The following ETV6 variants were observed in gnomAD, a reference collection of about 807,000 sequenced individuals.
ETV6 encodes the protein transcription factor ETV6.
ETV6 carries 16 observed loss-of-function variants against 51.1 expected under a neutral mutation model. The ratio of observed to expected loss-of-function variants is 0.31; its 90% CI spans 0.21 to 0.48. The LOEUF (loss-of-function observed/expected upper bound fraction) is 0.48, where lower values mean the gene tolerates loss of function less well. ETV6 is among the 20% of genes least tolerant of loss of function. The pLI is 0.99. For missense variants in ETV6, 458 were observed against 594.8 expected (o/e 0.77, Z 2.39); for synonymous variants, 240 against 224.1 (o/e 1.07, Z -0.64).
chr12:11,842,094 A>AG lies in ETV6; in HGVS notation c.328+2790_328+2791insG, dbSNP rs1279652680. 3.8e-3 allele frequency among the ~76,000 whole-genome samples: 575 copies of AG among 151,744 alleles called. 4 individuals carry two copies. Among genetic ancestry groups the AG allele is most frequent in the Admixed American group, 6.5e-3 (100 of 15,268 alleles). On this transcript the variant is annotated intron_variant, in intron 3 of 7. Coordinates refer to ENST00000396373, the MANE Select transcript of ETV6 (RefSeq NM_001987.5). ...GAGACTCCGTCTCAAAAAAAAAAAAAAAAAGAAGAAGAAGGAGATGTAGGC... is the reference window on the plus strand; with the variant it reads ...GAGACTCCGTCTCAAAAAAAAAAAAAGAAAAGAAGAAGAAGGAGATGTAGGC...
chr12:11,893,033 G>A lies in ETV6; in HGVS notation c.*1987G>A, dbSNP rs1947319593. 1 of 232,924 alleles carries A rather than the reference G, an allele frequency of 4.3e-6. No homozygotes were observed. The highest frequency in any genetic ancestry group is 8.5e-6 in the Non-Finnish European group (1 of 117,844). The allele number at this position is 232,924 out of a possible 1,614,324, so 14.4% of individuals were successfully genotyped here. ...GTCAGGGACCTTCTATATGAGGCGAGTGGGTCTCAGTCTGCTTGAATGGTG... is the reference window on the plus strand; with the variant it reads ...GTCAGGGACCTTCTATATGAGGCGAATGGGTCTCAGTCTGCTTGAATGGTG... On this transcript the variant is annotated 3_prime_UTR_variant, in exon 8 of 8. Transcript: ENST00000396373.
intron 1 of ETV6, among the ~76,000 whole-genome samples, chr12:11,703,875 T>C (rs551967794): frequency 1.3e-5 from 2 of 152,306 alleles, no homozygotes; most frequent in African/African-American, 4.8e-5. Flanking sequence ...TGACCAACTT[T>C]ATAAAGAGAT....
chr12:11,650,264 T>C, intron 1 of ETV6, 104 bp downstream of exon 1: 1 of 1,004,134 alleles, frequency 1.0e-6, no homozygotes, highest in South Asian at 1.3e-5. Context: ...GTTGCTCTGT[T>C]CGCAGGAAAT....
intron 1 of ETV6, among the ~76,000 whole-genome samples, chr12:11,676,916 G>T (rs1864431433): frequency 6.6e-6 from 1 of 152,194 alleles, no homozygotes; most frequent in Non-Finnish European, 1.5e-5. Context: ...ACAGGATTTT[G>T]CAGGACTATT....
intron 1 of ETV6, among the ~76,000 whole-genome samples, chr12:11,669,077 T>A (rs1861485): frequency 0.025 from 3,883 of 152,328 alleles, 161 homozygotes; most frequent in African/African-American, 0.088. Context: ...CATATCTTTT[T>A]AAAAGTTTTC....
At chr12:11,821,473 G>C (rs1453533574) in intron 2 of ETV6, among the ~76,000 whole-genome samples, 2 of 152,172 alleles carry the variant, frequency 1.3e-5, no homozygotes, top group Non-Finnish European at 2.9e-5. Context: ...ATTGGGAACA[G>C]CAGATTTAGA....
intron 1 of ETV6, among the ~76,000 whole-genome samples, chr12:11,666,505 G>A (rs1864197141): frequency 2.0e-5 from 3 of 152,214 alleles, no homozygotes. Context: ...TTTAAAGAGG[G>A]CAGTCTTAAG....
intron 2 of ETV6, among the ~76,000 whole-genome samples, chr12:11,830,446 G>T (rs1001027646): frequency 1.3e-5 from 2 of 152,244 alleles, no homozygotes; most frequent in African/African-American, 4.8e-5. Context: ...AGTTTCTTCT[G>T]AAAATACAGT....
intron 1 of ETV6, among the ~76,000 whole-genome samples, chr12:11,735,040 G>A (rs189014248): frequency 9.3e-4 from 133 of 143,598 alleles, no homozygotes; most frequent in African/African-American, 2.9e-3. Context: ...AAATGTCTTC[G>A]TAATTTATGG....
At chr12:11,723,294 A>T (rs1865426862) in intron 1 of ETV6, among the ~76,000 whole-genome samples, 1 of 152,142 alleles carries the variant, frequency 6.6e-6, no homozygotes, top group African/African-American at 2.4e-5. Flanking sequence ...ATAGTGACTG[A>T]TATTTTTTGA....
intron 1 of ETV6, among the ~76,000 whole-genome samples, chr12:11,700,320 C>G (rs1047832880): frequency 1.3e-5 from 2 of 152,142 alleles, no homozygotes; most frequent in Non-Finnish European, 2.9e-5. Flanking sequence ...TTTAATATAG[C>G]CTTCACCCTA....
At chr12:11,650,808 A>T (rs891529401) in intron 1 of ETV6, among the ~76,000 whole-genome samples, 14 of 152,196 alleles carry the variant, frequency 9.2e-5, no homozygotes, top group African/African-American at 3.4e-4. Context: ...ACTCCGATCC[A>T]TATGAAAGTT....
intron 1 of ETV6, among the ~76,000 whole-genome samples, chr12:11,724,636 G>A (rs1267966249): frequency 4.6e-5 from 7 of 152,198 alleles, no homozygotes; most frequent in Non-Finnish European, 1.0e-4. Context: ...AGAGGGTTGA[G>A]TTGGTGACAA....
At position 11,817,354 on chromosome 12, in the gene ETV6, G is replaced by A. The variant is rs59746341; in HGVS notation, c.164-21786G>A. ...ATCCTGTTTGTGTGATGTTCCTACA[G>A]CCTCTGCTGTACTGTATTATGAAAG... On this transcript the variant is annotated intron_variant, in intron 2 of 7. Transcript: ENST00000396373. Among the ~76,000 whole-genome samples, 247 of 152,300 alleles carry A rather than the reference G, an allele frequency of 1.6e-3. 2 individuals carry two copies. Among genetic ancestry groups the A allele is most frequent in the African/African-American group, 5.2e-3 (216 of 41,546 alleles).
chr12:11,680,081 A>G (rs992062099), intron 1 of ETV6, among the ~76,000 whole-genome samples: 2 of 152,166 alleles, frequency 1.3e-5, no homozygotes, highest in African/African-American at 4.8e-5. Flanking sequence ...TCTGGCTATA[A>G]GGGCATTTTG....
chr12:11,875,157 C>T (rs1055918739), intron 5 of ETV6, among the ~76,000 whole-genome samples: 1 of 152,182 alleles, frequency 6.6e-6, no homozygotes, highest in Non-Finnish European at 1.5e-5. Context: ...AAATACAAAT[C>T]ACAAATGACA....
intron 1 of ETV6, among the ~76,000 whole-genome samples, chr12:11,693,221 G>T (rs2120804544): frequency 6.6e-6 from 1 of 152,274 alleles, no homozygotes; most frequent in Middle Eastern, 3.4e-3. Context: ...TTTCAGAGAA[G>T]TTAAAGGCAT....
At chr12:11,817,064 G>A (rs1946004513) in intron 2 of ETV6, among the ~76,000 whole-genome samples, 1 of 152,178 alleles carries the variant, frequency 6.6e-6, no homozygotes, top group Admixed American at 6.5e-5. Flanking sequence ...GAACTTTAGA[G>A]TCAAACAGGC....
intron 5 of ETV6, among the ~76,000 whole-genome samples, chr12:11,874,502 G>GTATA (rs1248994921): frequency 1.7e-5 from 1 of 57,160 alleles, no homozygotes. Context: ...ACACATATGT[G>GTATA]TATGTGCGTG....
Sources: gnomAD v4.1 joint callset for allele counts (sites outside exome capture counted in the v4.1 genomes callset) on GRCh38, gnomAD v4.1.1 for gene constraint, MANE v1.5 for transcripts, NCBI Gene and HGNC (gene_info 2026-07-23, HGNC 2026-07-21) for gene names.